The following KMT2C variants were observed in gnomAD, a reference collection of about 807,000 sequenced individuals.
KMT2C encodes histone-lysine N-methyltransferase 2C.
In KMT2C, 88 loss-of-function variants were observed where a neutral mutation model predicts 507.9. The ratio of observed to expected loss-of-function variants is 0.17; its 90% CI spans 0.15 to 0.21. The LOEUF (loss-of-function observed/expected upper bound fraction) is 0.21, where lower values mean the gene tolerates loss of function less well. Among genes scored for constraint, KMT2C ranks in the 10% least tolerant of loss-of-function variants. The probability of loss-of-function intolerance (pLI) is 1.00; values close to 1 mark genes in which losing one functional copy is unlikely to be tolerated. For synonymous variants in KMT2C, 2,049 were observed against 2,080.8 expected (o/e 0.98, Z 0.42); for missense variants, 4,954 against 5,957.8 (o/e 0.83, Z 5.55).
chr7:152,146,521 A>T, intron 53 of KMT2C, 78 bp downstream of exon 53: 1 of 1,411,108 alleles, frequency 7.1e-7, no homozygotes, highest in Non-Finnish European at 9.9e-7. Context: ...AGTGCCACAA[A>T]TGTTACAGCA....
chr7:152,140,027 G>GTCTA (rs2090352813), intron 55 of KMT2C, among the ~76,000 whole-genome samples: 1 of 152,116 alleles, frequency 6.6e-6, no homozygotes, highest in Admixed American at 6.5e-5. Flanking sequence ...AATTCTTAGA[G>GTCTA]TCTATGTATA....
At chr7:152,431,627 A>C (rs1323901947) in intron 1 of KMT2C, among the ~76,000 whole-genome samples, 1 of 151,832 alleles carries the variant, frequency 6.6e-6, no homozygotes, top group Non-Finnish European at 1.5e-5. Flanking sequence ...AAGAAAAAAA[A>C]CAGGTTCTTA....
chr7:152,426,462 C>T (rs949762207), intron 1 of KMT2C, among the ~76,000 whole-genome samples: 2 of 151,870 alleles, frequency 1.3e-5, no homozygotes, highest in Non-Finnish European at 2.9e-5. Flanking sequence ...GTCTCTAACG[C>T]CTAGACTTAA....
At chr7:152,250,705 C>G in intron 12 of KMT2C, 148 bp downstream of exon 12, 1 of 544,608 alleles carries the variant, frequency 1.8e-6, no homozygotes, top group East Asian at 3.0e-5. Context: ...GTCCTTTCTC[C>G]TATTAATTTG....
chr7:152,369,020 T>TA lies in KMT2C; in HGVS notation c.162-10346dup, dbSNP rs552578766. Among the ~76,000 whole-genome samples, 310 of 146,464 alleles carry TA rather than the reference T, an allele frequency of 2.1e-3. 2 individuals are homozygous for TA. The highest frequency in any genetic ancestry group is 0.021 in the South Asian group (95 of 4,612). ...CCAAAATAAAAGGACTGTGGAAGGT[T>TA]AAAAAAAAAAAATAGTTAAGGGCCA... On this transcript the variant is annotated intron_variant, in intron 1 of 58. Coordinates refer to ENST00000262189, the MANE Select transcript of KMT2C (RefSeq NM_170606.3).
At chr7:152,267,001 A>G (rs549634860) in intron 7 of KMT2C, among the ~76,000 whole-genome samples, 24 of 152,340 alleles carry the variant, frequency 1.6e-4, no homozygotes, top group Middle Eastern at 3.4e-3. Flanking sequence ...CTCCCACATT[A>G]AAACGCCCCT....
At chr7:152,306,037 G>A (rs1014451237) in intron 6 of KMT2C, among the ~76,000 whole-genome samples, 3 of 152,142 alleles carry the variant, frequency 2.0e-5, no homozygotes, top group Non-Finnish European at 4.4e-5. Context: ...ATTTCTGTAT[G>A]TCTGTGTAAA....
rs559509439 is a variant in KMT2C, at chr7:152,162,730, G to A, written c.10847C>T (p.Ala3616Val). 1 of 1,614,166 alleles carries A rather than the reference G, an allele frequency of 6.2e-7. No individual in the cohort carries two copies. Among genetic ancestry groups the A allele is most frequent in the South Asian group, 1.1e-5 (1 of 91,074 alleles). ...AGTTGATGGAGCCTTGGTGGATTCT[G>A]CATCATCATCTCTTTTCTTCTTTCT... ...RTRKKKRDDD[A>V]ESTKAPSTPH... The change falls in exon 43 of 59, where the codon GCA becomes GTA. Residue 3616 changes from alanine (A) to valine (V), a missense_variant. Ala to Val is a moderately conservative substitution (Grantham distance 64, BLOSUM62 0). This residue lies in a region of KMT2C where 801 missense variants were observed against 751.2 expected (regional missense o/e 1.07). Coordinates refer to ENST00000262189, the MANE Select transcript of KMT2C (RefSeq NM_170606.3).
chr7:152,136,045 A>T lies in KMT2C; in HGVS notation c.*787T>A, dbSNP rs947821307. The T allele has an allele frequency of 4.5e-6, 1 of 221,478 alleles. No individual in the cohort carries two copies. Among genetic ancestry groups the T allele is most frequent in the East Asian group, 6.7e-5 (1 of 14,912 alleles). The allele number at this position is 221,478 out of a possible 1,614,324, so 13.7% of individuals were successfully genotyped here. ...TGGTCAATAACTATTTTTATACTGT[A>T]TTTTTTCTCAAAATATTTACATATC... On this transcript the variant is annotated 3_prime_UTR_variant, in exon 59 of 59. Transcript: ENST00000262189.
At position 152,380,365 on chromosome 7, in the gene KMT2C, C is replaced by A. The variant is rs551547966; in HGVS notation, c.162-21690G>T. 9.8e-5 allele frequency among the ~76,000 whole-genome samples: 15 copies of A among 152,352 alleles called. No individual in the cohort carries two copies. In the East Asian group the frequency reaches 2.3e-3, roughly 23 times the overall value. On this transcript the variant is annotated intron_variant, in intron 1 of 58. Transcript: ENST00000262189. ...GGCAGATCACCTGAGGTCAGGAGTT[C>A]AAGGCCAACCTGACCACTATGATGA...
intron 31 of KMT2C, 53 bp downstream of exon 31, chr7:152,193,956 C>T (rs2093886895): frequency 6.9e-7 from 1 of 1,450,852 alleles, no homozygotes; most frequent in Non-Finnish European, 9.1e-7. Context: ...TATGTACCCA[C>T]ATATATACAC....
intron 7 of KMT2C, among the ~76,000 whole-genome samples, chr7:152,265,691 T>C (rs1239619610): frequency 6.6e-6 from 1 of 152,146 alleles, no homozygotes; most frequent in East Asian, 1.9e-4. Flanking sequence ...AAGATGCTTC[T>C]TAAGCATAAA....
intron 23 of KMT2C, among the ~76,000 whole-genome samples, chr7:152,219,873 C>T (rs866226757): frequency 1.3e-5 from 2 of 151,878 alleles, no homozygotes; most frequent in African/African-American, 2.4e-5. Context: ...CGTGGTGGCC[C>T]GCATCCATGG....
In KMT2C at chr7:152,252,665, G is replaced by T; in HGVS notation, c.1350C>A (p.His450Gln). 6.2e-7 allele frequency: 1 copy of T among 1,613,240 alleles called. No homozygotes were observed. The highest frequency in any genetic ancestry group is 8.5e-7 in the Non-Finnish European group (1 of 1,179,396). Residue 450 changes from histidine (H) to glutamine (Q), a missense_variant, in exon 10 of 59, where the codon CAC (histidine) becomes CAA (glutamine). By Grantham distance (24) the His-to-Gln change is conservative. Transcript: ENST00000262189. ...ECGTRSSSQW[H>Q]HNCLICDNCY... ...AATTGTCACATATCAGGCAATTGTGGTGCCACTGAGAACTAGACCGTGTGC... is the reference window on the plus strand; with the variant it reads ...AATTGTCACATATCAGGCAATTGTGTTGCCACTGAGAACTAGACCGTGTGC...
At chr7:152,243,903 G>A (rs2095427431) in intron 14 of KMT2C, among the ~76,000 whole-genome samples, 1 of 152,166 alleles carries the variant, frequency 6.6e-6, no homozygotes, top group Non-Finnish European at 1.5e-5. Flanking sequence ...ACATGAAGGT[G>A]TCTGAACTAG....
intron 34 of KMT2C, among the ~76,000 whole-genome samples, chr7:152,184,148 T>A (rs939745493): frequency 6.6e-6 from 1 of 150,888 alleles, no homozygotes; most frequent in Non-Finnish European, 1.5e-5. Flanking sequence ...TCTGGATATT[T>A]GAAACGTATC....
In KMT2C at chr7:152,364,934, G is replaced by GACACACAC. The variant is rs71198778; in HGVS notation, c.162-6267_162-6260dup. ...AGCACAACAAAATCTGAAACAGACA[G>GACACACAC]ACACACACACACACACACACACACA... On this transcript the variant is annotated intron_variant, in intron 1 of 58. Transcript: ENST00000262189. Among the ~76,000 whole-genome samples the GACACACAC allele has an allele frequency of 2.1e-3, 287 of 138,156 alleles. 1 individual carries two copies. The highest frequency in any genetic ancestry group is 6.6e-3 in the African/African-American group (243 of 36,566). The allele number at this position is 138,156 out of a possible 152,430, so 90.6% of individuals were successfully genotyped here. A position where few individuals can be genotyped will look rare whatever the true frequency, so the allele number is the denominator to read the frequency against.
At chr7:152,173,200 T>C (rs1001032090) in intron 39 of KMT2C, among the ~76,000 whole-genome samples, 1 of 152,226 alleles carries the variant, frequency 6.6e-6, no homozygotes, top group African/African-American at 2.4e-5. Context: ...AAAAGAATTA[T>C]ACCCTTAAGA....
intron 31 of KMT2C, 103 bp from the exon 32 acceptor site, chr7:152,187,950 A>G: frequency 2.0e-6 from 2 of 1,023,850 alleles, no homozygotes; most frequent in Non-Finnish European, 2.9e-6. Flanking sequence ...GCATGGGTCC[A>G]CATAAACACA....
Sources: gnomAD v4.1 joint callset for allele counts (sites outside exome capture counted in the v4.1 genomes callset) on GRCh38, gnomAD v4.1.1 for gene constraint, gnomAD v4.1.1 regional missense constraint, MANE v1.5 for transcripts, NCBI Gene and HGNC (gene_info 2026-07-23, HGNC 2026-07-21) for gene names.